Variants in NEBL observed in about 807,000 individuals in gnomAD.
The protein encoded by NEBL is LIM and SH3 protein 2.
Under a neutral mutation model 140.2 loss-of-function variants are expected in NEBL, and 122 were observed. That is an observed-to-expected ratio of 0.87 (90% CI 0.75 to 1.01). The LOEUF (loss-of-function observed/expected upper bound fraction) is 1.01, where lower values mean the gene tolerates loss of function less well. Ranked by LOEUF, NEBL falls within the 50% of genes least tolerant of loss-of-function variation. The pLI, the probability that NEBL is intolerant of heterozygous loss-of-function variation, is 0.00. For missense variants in NEBL, 1,365 were observed against 1,231.3 expected, an observed-to-expected ratio of 1.11 and a Z score of -1.62; for synonymous variants, 436 against 398.9, an observed-to-expected ratio of 1.09 and a Z score of -1.11.
At chr10:20,798,447 T>C (rs145441867) in intron 26 of NEBL, among the ~76,000 whole-genome samples, 1 of 152,314 alleles carries the variant, frequency 6.6e-6, no homozygotes, top group Non-Finnish European at 1.5e-5. Context: ...TCTACTGTTT[T>C]GCACATGAGA....
chr10:20,788,069 C>T (rs965104626), intron 26 of NEBL, among the ~76,000 whole-genome samples: 4 of 152,138 alleles, frequency 2.6e-5, no homozygotes, highest in African/African-American at 7.2e-5. Context: ...ATTCAAAAGG[C>T]ATAGTTCCTG....
Position 20,868,773 on chromosome 10 carries a change from G to T in NEBL, c.583-8C>A. Reference sequence around the variant, plus strand: ...TCCTTTCTTGTATTCTGCCTAAAATGAATAAATAAGACAATGTTAAATATT... The same window carrying T: ...TCCTTTCTTGTATTCTGCCTAAAATTAATAAATAAGACAATGTTAAATATT... On this transcript the variant is annotated splice_polypyrimidine_tract_variant and splice_region_variant and intron_variant, in intron 6 of 27. Coordinates refer to ENST00000377122, the MANE Select transcript of NEBL (RefSeq NM_006393.3). 6.5e-7 allele frequency: 1 copy of T among 1,546,590 alleles called. No homozygotes were observed. The highest frequency in any genetic ancestry group is 1.1e-5 in the South Asian group (1 of 89,714).
chr10:21,120,423 T>A (rs1192478198), intron 2 of NEBL, among the ~76,000 whole-genome samples: 5 of 101,168 alleles, frequency 4.9e-5, no homozygotes, highest in East Asian at 3.3e-4. Context: ...TATATATATA[T>A]AAATTTGATC....
At chr10:20,931,519 G>A (rs1834182127) in intron 4 of NEBL, among the ~76,000 whole-genome samples, 1 of 152,190 alleles carries the variant, frequency 6.6e-6, no homozygotes, top group South Asian at 2.1e-4. Flanking sequence ...AGAGTCAGTA[G>A]ATCATCAAGG....
chr10:21,240,573 C>G (rs549038750), intron 3 of NEBL, among the ~76,000 whole-genome samples: 1 of 151,626 alleles, frequency 6.6e-6, no homozygotes, highest in East Asian at 2.0e-4. Flanking sequence ...AACCCAAAAT[C>G]GCGCTACTGC....
At chr10:20,894,702 C>G (rs1457397184) in intron 2 of NEBL, among the ~76,000 whole-genome samples, 10 of 147,464 alleles carry the variant, frequency 6.8e-5, no homozygotes, top group African/African-American at 2.5e-4. Context: ...ATCACGAGGT[C>G]TGGAGATCGA....
rs145984200 is a variant in NEBL, at chr10:21,000,881, C to T, written c.249+19236G>A. On this transcript the variant is annotated intron_variant, in intron 3 of 6. Coordinates refer to the NEBL transcript ENST00000417816. ...AAGGGAGAGAAAAAAGGTAGGATGG[C>T]CAGGAAGGGCCACATTGGGATTTAA... is the stretch of plus-strand genomic sequence containing the variant. 7.8e-3 allele frequency among the ~76,000 whole-genome samples: 1,185 copies of T among 152,086 alleles called. 15 individuals carry two copies. The highest frequency in any genetic ancestry group is 0.027 in the African/African-American group (1,112 of 41,478).
chr10:20,936,361 C>A (rs779754386), intron 4 of NEBL, among the ~76,000 whole-genome samples: 13 of 152,188 alleles, frequency 8.5e-5, no homozygotes, highest in Non-Finnish European at 1.8e-4. Flanking sequence ...GAACTCAGGT[C>A]TAGTCTGTCT....
At chr10:21,250,406 TG>T (rs1842572743) in intron 2 of NEBL, among the ~76,000 whole-genome samples, 1 of 152,242 alleles carries the variant, frequency 6.6e-6, no homozygotes, top group Non-Finnish European at 1.5e-5. Context: ...GGACTTGGAC[TG>T]GCTTCCTTTC....
Position 20,992,733 on chromosome 10 carries a change from A to G in NEBL, c.249+27384T>C, listed in dbSNP as rs1487539241. ...AATTTACTTTCTCCGTAGGCCAACT[A>G]CAATGAAATCAGTCATTTGCAACTA... is the stretch of plus-strand genomic sequence containing the variant. On this transcript the variant is annotated intron_variant, in intron 3 of 6. Coordinates refer to the NEBL transcript ENST00000417816. 4.8e-5 allele frequency among the ~76,000 whole-genome samples: 7 copies of G among 145,848 alleles called. 1 individual carries two copies. The South Asian group carries it at 1.3e-3, about 27-fold the overall frequency.
Position 20,783,349 on chromosome 10 carries a change from A to G in NEBL, c.*2398T>C, listed in dbSNP as rs1184982699. The G allele has an allele frequency of 6.6e-6, 1 of 152,144 alleles. No individual in the cohort carries two copies. Among genetic ancestry groups the G allele is most frequent in the Non-Finnish European group, 1.5e-5 (1 of 68,028 alleles). The allele number at this position is 152,144 out of a possible 1,614,324, so 9.4% of individuals were successfully genotyped here. A position where few individuals can be genotyped will look rare whatever the true frequency, so the allele number is the denominator to read the frequency against. ...TTGTTCAGTTTTAGTCTTCATTGTA[A>G]AACAACTACCCTTTAGTTAAATTCT... On this transcript the variant is annotated 3_prime_UTR_variant, in exon 28 of 28. Transcript: ENST00000377122.
intron 2 of NEBL, among the ~76,000 whole-genome samples, chr10:21,036,586 A>T (rs1834025414): frequency 6.6e-6 from 1 of 152,194 alleles, no homozygotes; most frequent in Non-Finnish European, 1.5e-5. Context: ...TATCAGACAG[A>T]TAGGGGCTCT....
At chr10:21,226,144 G>T (rs2132249382) in intron 3 of NEBL, among the ~76,000 whole-genome samples, 1 of 152,026 alleles carries the variant, frequency 6.6e-6, no homozygotes, top group East Asian at 1.9e-4. Flanking sequence ...AAGGCAGCAG[G>T]TTCCCTTCTG....
intron 3 of NEBL, among the ~76,000 whole-genome samples, chr10:21,011,912 G>A (rs1008096559): frequency 6.6e-6 from 1 of 152,184 alleles, no homozygotes; most frequent in Admixed American, 6.5e-5. Context: ...CATTGCAGCT[G>A]CCATCGCCTT....
At chr10:21,136,206 C>T (rs1466772054) in intron 2 of NEBL, among the ~76,000 whole-genome samples, 1 of 152,190 alleles carries the variant, frequency 6.6e-6, no homozygotes, top group Non-Finnish European at 1.5e-5. Flanking sequence ...ATCCAAGTTC[C>T]TCAGTCCACT....
chr10:21,083,175 A>T (rs1836466587), intron 2 of NEBL, among the ~76,000 whole-genome samples: 1 of 152,252 alleles, frequency 6.6e-6, no homozygotes, highest in South Asian at 2.1e-4. Context: ...AGCCTTAAAG[A>T]TTCTTTAGAG....
chr10:20,932,736 T>C (rs1834256011), intron 4 of NEBL, among the ~76,000 whole-genome samples: 1 of 152,244 alleles, frequency 6.6e-6, no homozygotes, highest in Non-Finnish European at 1.5e-5. Context: ...ACCATTTTAT[T>C]TGTCGATACT....
intron 3 of NEBL, among the ~76,000 whole-genome samples, chr10:21,185,425 A>G (rs1192188976): frequency 2.0e-5 from 3 of 149,440 alleles, no homozygotes; most frequent in Non-Finnish European, 1.5e-5. Flanking sequence ...CTGTATGGAG[A>G]GAGGTCACCA....
At chr10:21,002,111 G>A (rs1837931307) in intron 3 of NEBL, among the ~76,000 whole-genome samples, 1 of 152,042 alleles carries the variant, frequency 6.6e-6, no homozygotes, top group African/African-American at 2.4e-5. Context: ...CCAAAAAGGA[G>A]TAGGTGCTTC....
Sources: allele counts gnomAD v4.1 joint callset (sites outside exome capture counted in the v4.1 genomes callset), GRCh38; gene constraint gnomAD v4.1.1; transcripts MANE v1.5; gene names NCBI Gene and HGNC (gene_info 2026-07-23, HGNC 2026-07-21).